The following GAS2 variants were observed in gnomAD, a reference collection of about 807,000 sequenced individuals.
GAS2 encodes growth arrest specific 2, also known as growth arrest-specific protein 2.
A neutral mutation model predicts 37.5 loss-of-function variants in GAS2; 20 were observed. The observed-to-expected ratio is 0.53, with a 90% CI of 0.37 to 0.77. The LOEUF (loss-of-function observed/expected upper bound fraction) is 0.77, where lower values mean the gene tolerates loss of function less well. Among genes scored for constraint, GAS2 ranks in the 30% least tolerant of loss-of-function variants. GAS2 has a pLI of 0.00. For missense variants in GAS2, 336 were observed against 373.4 expected (o/e 0.90, Z 0.82); for synonymous variants, 144 against 132.2 (o/e 1.09, Z -0.61).
At chr11:22,779,580 C>G (rs1018802548) in intron 7 of GAS2, among the ~76,000 whole-genome samples, 1 of 152,080 alleles carries the variant, frequency 6.6e-6, no homozygotes, top group African/African-American at 2.4e-5. Context: ...CACCTGTAAT[C>G]CCAGCTACTT....
At chr11:22,720,929 C>A (rs1260221750) in intron 3 of GAS2, among the ~76,000 whole-genome samples, 1 of 151,856 alleles carries the variant, frequency 6.6e-6, no homozygotes, top group Non-Finnish European at 1.5e-5. Context: ...TTAATGCTGC[C>A]TGGACAAACA....
intron 1 of GAS2, among the ~76,000 whole-genome samples, chr11:22,653,889 C>G (rs1848826487): frequency 6.6e-6 from 1 of 152,138 alleles, no homozygotes; most frequent in African/African-American, 2.4e-5. Context: ...CCACCCTATT[C>G]TACTCACTCT....
intron 7 of GAS2, among the ~76,000 whole-genome samples, chr11:22,810,647 A>T (rs185983774): frequency 4.5e-4 from 69 of 152,290 alleles, no homozygotes; most frequent in African/African-American, 1.5e-3. Flanking sequence ...AAACTGCTTC[A>T]TGTCAACCAC....
chr11:22,754,569 A>C (rs1853920798), intron 6 of GAS2, among the ~76,000 whole-genome samples: 1 of 151,796 alleles, frequency 6.6e-6, no homozygotes, highest in Non-Finnish European at 1.5e-5. Context: ...TGTACATGCG[A>C]TAAATTTATG....
intron 2 of GAS2, among the ~76,000 whole-genome samples, chr11:22,681,536 G>A (rs906874076): frequency 1.3e-5 from 2 of 152,036 alleles, no homozygotes; most frequent in African/African-American, 4.8e-5. Flanking sequence ...CACCGGTCAG[G>A]ACTTTAACAT....
intron 3 of GAS2, among the ~76,000 whole-genome samples, chr11:22,689,896 A>G (rs972094076): frequency 2.6e-5 from 4 of 152,238 alleles, no homozygotes; most frequent in Non-Finnish European, 5.9e-5. Flanking sequence ...TTCAGAAAAA[A>G]TGGTGGCGAA....
chr11:22,631,599 T>G (rs1858745745), intron 1 of GAS2, among the ~76,000 whole-genome samples: 1 of 152,184 alleles, frequency 6.6e-6, no homozygotes, highest in Admixed American at 6.6e-5. Flanking sequence ...TTGCTTTAAT[T>G]CTGTTTGTGT....
intron 1 of GAS2, among the ~76,000 whole-genome samples, chr11:22,652,991 T>TTGTCTTTCTTTCTTTGTC (rs1848805461): frequency 1.6e-4 from 1 of 6,300 alleles, no homozygotes; most frequent in African/African-American, 4.7e-4. Context: ...CTTTCTTTCT[T>TTGTCTTTCTTTCTTTGTC]TGTCTTTCTT....
At position 22,685,768 on chromosome 11, in the gene GAS2, G is replaced by A. The variant is rs1590631513; in HGVS notation, c.246G>A (p.Met82Ile). Residue 82 changes from methionine to isoleucine, a missense_variant, in exon 3 of 8, where the codon ATG becomes ATA. Met to Ile is a conservative substitution (Grantham distance 10). Coordinates refer to ENST00000454584, the MANE Select transcript of GAS2 (RefSeq NM_001143830.3). The part of the protein sequence containing the change: ...ETMQEKFKES[M>I]DANKPTKNLP... The stretch of plus-strand genomic sequence containing the variant: ...TGCAGGAGAAATTCAAGGAGAGCAT[G>A]GATGCTAACAAGCCCACAAAGGTAA... The A allele has an allele frequency of 6.2e-7, 1 of 1,613,346 alleles. No homozygotes were observed. The highest frequency in any genetic ancestry group is 8.5e-7 in the Non-Finnish European group (1 of 1,179,674).
intron 1 of GAS2, among the ~76,000 whole-genome samples, chr11:22,650,902 C>G (rs909676923): frequency 5.3e-5 from 8 of 150,716 alleles, no homozygotes; most frequent in African/African-American, 1.9e-4. Context: ...TTAATTGGAG[C>G]ATTTAGTCCA....
intron 2 of GAS2, among the ~76,000 whole-genome samples, chr11:22,677,286 G>A (rs75615941): frequency 3.9e-5 from 6 of 152,210 alleles, no homozygotes; most frequent in Admixed American, 6.5e-5. Flanking sequence ...CAAACATGGG[G>A]TAAGAGCCTT....
rs568420925 is a variant in GAS2, at chr11:22,762,317, C to A, written c.723+6364C>A. Among the ~76,000 whole-genome samples the A allele has an allele frequency of 3.9e-5, 6 of 152,260 alleles. No homozygotes were observed. In the East Asian group the frequency reaches 1.2e-3, roughly 29 times the overall value. The stretch of plus-strand genomic sequence containing the variant: ...TCGTTTGTTCCAGGCATTTTACCAG[C>A]TGCTTTATGTTTATATTTATATCAC... On this transcript the variant is annotated intron_variant, in intron 7 of 7. Transcript: ENST00000454584.
At chr11:22,643,541 A>G (rs1450202127) in intron 1 of GAS2, among the ~76,000 whole-genome samples, 1 of 151,984 alleles carries the variant, frequency 6.6e-6, no homozygotes, top group Non-Finnish European at 1.5e-5. Flanking sequence ...CTATTAATAC[A>G]CAGATCACCC....
At chr11:22,716,454 A>G (rs1371135843) in intron 3 of GAS2, among the ~76,000 whole-genome samples, 1 of 152,094 alleles carries the variant, frequency 6.6e-6, no homozygotes, top group African/African-American at 2.4e-5. Flanking sequence ...TGCCTGGCCA[A>G]CATGGTGAAA....
At chr11:22,631,406 T>C (rs1376089707) in intron 1 of GAS2, among the ~76,000 whole-genome samples, 1 of 152,138 alleles carries the variant, frequency 6.6e-6, no homozygotes, top group African/African-American at 2.4e-5. Flanking sequence ...GACATCTTTG[T>C]CTCGTTCCAA....
chr11:22,811,926 C>T lies in GAS2; in HGVS notation c.852C>T (p.Ile284=). ...GTGTGGATGGCAAAACATCCCCTATCCAAAGCAAATCTCCAACTCTAAAGG... is the reference window on the plus strand; with the variant it reads ...GTGTGGATGGCAAAACATCCCCTATTCAAAGCAAATCTCCAACTCTAAAGG... ...ISRVDGKTSP[I]QSKSPTLKDM... is the part of the protein sequence containing the mutation. Residue 284 remains isoleucine (I), a synonymous_variant, in exon 8 of 8, where the codon ATC becomes ATT. Coordinates refer to ENST00000454584, the MANE Select transcript of GAS2 (RefSeq NM_001143830.3). The T allele has an allele frequency of 6.2e-7, 1 of 1,614,096 alleles. No individual in the cohort carries two copies.
At chr11:22,729,815 T>C (rs1434126703) in intron 4 of GAS2, among the ~76,000 whole-genome samples, 1 of 151,704 alleles carries the variant, frequency 6.6e-6, no homozygotes, top group African/African-American at 2.4e-5. Flanking sequence ...ATAGTTAGTA[T>C]TGGTAAGTAT....
chr11:22,652,501 C>T (rs1021549415), intron 1 of GAS2, among the ~76,000 whole-genome samples: 8 of 152,196 alleles, frequency 5.3e-5, no homozygotes, highest in South Asian at 2.1e-4. Context: ...TGGGCAATGG[C>T]GGGCGCCCCT....
intron 1 of GAS2, among the ~76,000 whole-genome samples, chr11:22,636,797 C>G (rs951903701): frequency 1.3e-5 from 2 of 150,490 alleles, no homozygotes; most frequent in Non-Finnish European, 3.0e-5. Flanking sequence ...ATACTACTTT[C>G]TCTCTTCCTC....
Sources: gnomAD v4.1 joint callset for allele counts (sites outside exome capture counted in the v4.1 genomes callset) on GRCh38, gnomAD v4.1.1 for gene constraint, MANE v1.5 for transcripts, NCBI Gene and HGNC (gene_info 2026-07-23, HGNC 2026-07-21) for gene names.